The following LRRC4C variants were observed in gnomAD, a reference collection of about 807,000 sequenced individuals.
LRRC4C encodes leucine rich repeat containing 4C.
LRRC4C carries 5 observed loss-of-function variants against 33.6 expected under a neutral mutation model. That is an observed-to-expected ratio of 0.15 (90% CI 0.08 to 0.31). LRRC4C has a LOEUF of 0.31. Ranked by LOEUF, LRRC4C falls within the 10% of genes least tolerant of loss-of-function variation. The pLI, the probability that LRRC4C is intolerant of heterozygous loss-of-function variation, is 1.00. For missense variants in LRRC4C, 560 were observed against 796.7 expected, an observed-to-expected ratio of 0.70 and a Z score of 3.58; for synonymous variants, 329 against 302.0, an observed-to-expected ratio of 1.09 and a Z score of -0.93.
chr11:40,185,807 C>G (rs916277075), intron 5 of LRRC4C, among the ~76,000 whole-genome samples: 9 of 152,078 alleles, frequency 5.9e-5, no homozygotes, highest in African/African-American at 2.2e-4. Flanking sequence ...GGAGGAACAG[C>G]AGGAGAAGCA....
In LRRC4C at chr11:40,354,506, G is replaced by A. The variant is rs553348614; in HGVS notation, c.-269-34785C>T. Reference sequence around the variant, plus strand: ...GTACTCGGGAAACTAAGGAATTTACGTGATGGTCTATTCTAATGTAGCTGA... The same window carrying A: ...GTACTCGGGAAACTAAGGAATTTACATGATGGTCTATTCTAATGTAGCTGA... On this transcript the variant is annotated intron_variant, in intron 3 of 6. Coordinates refer to ENST00000528697, the MANE Select transcript of LRRC4C (RefSeq NM_001258419.2). Among the ~76,000 whole-genome samples, 13 of 152,250 alleles carry A rather than the reference G, an allele frequency of 8.5e-5. No homozygotes were observed. The South Asian group carries it at 2.5e-3, about 29-fold the overall frequency.
At chr11:40,537,410 C>T (rs1956520332) in intron 3 of LRRC4C, among the ~76,000 whole-genome samples, 1 of 152,142 alleles carries the variant, frequency 6.6e-6, no homozygotes, top group Admixed American at 6.5e-5. Context: ...AATTTGAACT[C>T]CAGCAGTCTG....
chr11:40,652,929 C>T (rs1369835746), intron 2 of LRRC4C, among the ~76,000 whole-genome samples: 1 of 152,072 alleles, frequency 6.6e-6, no homozygotes, highest in Non-Finnish European at 1.5e-5. Context: ...GACAGTTTCC[C>T]CCTGCTGTTC....
chr11:40,231,336 T>C (rs1324482834), intron 5 of LRRC4C, among the ~76,000 whole-genome samples: 2 of 152,226 alleles, frequency 1.3e-5, no homozygotes, highest in Non-Finnish European at 1.5e-5. Context: ...TGTAAGATGA[T>C]ATGTCATTTT....
chr11:41,031,694 G>A (rs530063440), intron 1 of LRRC4C, among the ~76,000 whole-genome samples: 1 of 152,134 alleles, frequency 6.6e-6, no homozygotes. Flanking sequence ...CCAGTGGGTA[G>A]AAAAGAGAAA....
At chr11:40,407,388 T>C (rs901325135) in intron 3 of LRRC4C, among the ~76,000 whole-genome samples, 1 of 152,084 alleles carries the variant, frequency 6.6e-6, no homozygotes, top group African/African-American at 2.4e-5. Context: ...CAGGTTGATT[T>C]GATTGATTTA....
At chr11:40,583,705 C>G (rs1958578742) in intron 3 of LRRC4C, among the ~76,000 whole-genome samples, 1 of 152,054 alleles carries the variant, frequency 6.6e-6, no homozygotes, top group Non-Finnish European at 1.5e-5. Flanking sequence ...TCTGAGTTTG[C>G]TCACCGATCT....
chr11:40,697,160 T>C (rs976385191), intron 2 of LRRC4C, among the ~76,000 whole-genome samples: 13 of 152,168 alleles, frequency 8.5e-5, no homozygotes, highest in African/African-American at 2.9e-4. Context: ...ATACTGCATA[T>C]ATACATTTTT....
intron 1 of LRRC4C, among the ~76,000 whole-genome samples, chr11:41,252,723 A>G (rs1948680985): frequency 6.6e-6 from 1 of 152,220 alleles, no homozygotes; most frequent in African/African-American, 2.4e-5. Flanking sequence ...AAAGAGATTT[A>G]ATTGACTCAC....
intron 1 of LRRC4C, among the ~76,000 whole-genome samples, chr11:41,170,200 A>G (rs192726099): frequency 6.6e-6 from 1 of 152,310 alleles, no homozygotes; most frequent in African/African-American, 2.4e-5. Context: ...TATAGATTCA[A>G]TGCCATCCCC....
intron 3 of LRRC4C, among the ~76,000 whole-genome samples, chr11:40,429,763 G>A (rs1031494645): frequency 2.6e-5 from 4 of 152,078 alleles, no homozygotes; most frequent in Admixed American, 1.3e-4. Flanking sequence ...AGAAGAAATG[G>A]GATGCACCAT....
intron 1 of LRRC4C, among the ~76,000 whole-genome samples, chr11:41,365,753 G>T (rs1952511343): frequency 6.6e-6 from 1 of 152,172 alleles, no homozygotes; most frequent in Non-Finnish European, 1.5e-5. Context: ...TAGCTAACTA[G>T]AAGTAGAACA....
At position 40,129,390 on chromosome 11, in the gene LRRC4C, G is replaced by A. The variant is rs142287475; in HGVS notation, c.-43+11411C>T. ...GGGGGATGGGGTAGGTGATAAAGTC[G>A]GGGAGATTTCCCTATTTCTTTTTCT... On this transcript the variant is annotated intron_variant, in intron 6 of 6. Transcript: ENST00000528697. 1.8e-4 allele frequency among the ~76,000 whole-genome samples: 27 copies of A among 152,172 alleles called. No homozygotes were observed. The East Asian group carries it at 3.3e-3, about 19-fold the overall frequency.
intron 5 of LRRC4C, among the ~76,000 whole-genome samples, chr11:40,196,344 C>T (rs1224961235): frequency 6.6e-6 from 1 of 152,196 alleles, no homozygotes; most frequent in Non-Finnish European, 1.5e-5. Context: ...TATCCCAAGC[C>T]AGGTGAACAG....
intron 3 of LRRC4C, among the ~76,000 whole-genome samples, chr11:40,421,679 T>A (rs1950529883): frequency 6.6e-6 from 1 of 152,192 alleles, no homozygotes; most frequent in Admixed American, 6.5e-5. Flanking sequence ...GATTAAAATT[T>A]CCCTTTGAAT....
chr11:40,773,002 TG>T (rs1949824366), intron 2 of LRRC4C, among the ~76,000 whole-genome samples: 1 of 152,166 alleles, frequency 6.6e-6, no homozygotes. Context: ...ATATACACAA[TG>T]GAGTACCATT....
intron 1 of LRRC4C, among the ~76,000 whole-genome samples, chr11:41,235,220 G>A (rs1275578639): frequency 6.6e-6 from 1 of 151,966 alleles, no homozygotes; most frequent in Non-Finnish European, 1.5e-5. Flanking sequence ...ATTAAAAAGT[G>A]ACAAAAGAGA....
chr11:40,616,421 A>G (rs550799148), intron 3 of LRRC4C, among the ~76,000 whole-genome samples: 13 of 152,044 alleles, frequency 8.6e-5, no homozygotes, highest in African/African-American at 3.1e-4. Context: ...TATATACCCA[A>G]AGGATTATAA....
At chr11:41,143,338 G>C (rs77696582) in intron 1 of LRRC4C, among the ~76,000 whole-genome samples, 1 of 151,952 alleles carries the variant, frequency 6.6e-6, no homozygotes, top group Non-Finnish European at 1.5e-5. Context: ...GATCAGGAAA[G>C]GTACCTACTT....
Sources: allele counts gnomAD v4.1 joint callset (sites outside exome capture counted in the v4.1 genomes callset), GRCh38; gene constraint gnomAD v4.1.1; transcripts MANE v1.5; gene names NCBI Gene and HGNC (gene_info 2026-07-23, HGNC 2026-07-21).